The following NRXN3 variants were observed in gnomAD, a reference collection of about 807,000 sequenced individuals.
NRXN3 encodes neurexin III.
Under a neutral mutation model 137.6 loss-of-function variants are expected in NRXN3, and 32 were observed. The observed-to-expected ratio is 0.23, with a 90% CI of 0.18 to 0.31. NRXN3 has a LOEUF of 0.31. NRXN3 is among the 10% of genes least tolerant of loss of function. The pLI is 1.00. For synonymous variants in NRXN3, 798 were observed against 784.5 expected, an observed-to-expected ratio of 1.02 and a Z score of -0.29; for missense variants, 1,574 against 2,062.5, an observed-to-expected ratio of 0.76 and a Z score of 4.59.
chr14:79,818,053 T>TG (rs1467819527), intron 20 of NRXN3, among the ~76,000 whole-genome samples: 1 of 138,046 alleles, frequency 7.2e-6, no homozygotes, highest in African/African-American at 2.7e-5. Context: ...TGGGTTTTTT[T>TG]TTTTTTTTTT....
intron 15 of NRXN3, among the ~76,000 whole-genome samples, chr14:79,430,130 C>T (rs2095723263): frequency 6.6e-6 from 1 of 152,098 alleles, no homozygotes; most frequent in Non-Finnish European, 1.5e-5. Flanking sequence ...AAAGTAAGCC[C>T]TAATCTGGTT....
intron 19 of NRXN3, among the ~76,000 whole-genome samples, chr14:79,711,605 G>C (rs1052435877): frequency 1.3e-5 from 2 of 152,136 alleles, no homozygotes; most frequent in African/African-American, 4.8e-5. Flanking sequence ...AGCCACTGTG[G>C]TTGGCCTAAG....
chr14:78,999,067 G>A (rs1302695675), intron 15 of NRXN3, among the ~76,000 whole-genome samples: 1 of 152,130 alleles, frequency 6.6e-6, no homozygotes, highest in Non-Finnish European at 1.5e-5. Context: ...CCTTTGCCAA[G>A]TGAAATTAAC....
intron 17 of NRXN3, among the ~76,000 whole-genome samples, chr14:79,675,248 T>C (rs1477631114): frequency 6.6e-6 from 1 of 151,982 alleles, no homozygotes; most frequent in African/African-American, 2.4e-5. Flanking sequence ...AACCAACCTA[T>C]CTTATAAATA....
At chr14:78,343,960 A>G (rs1418573418) in intron 4 of NRXN3, among the ~76,000 whole-genome samples, 1 of 152,200 alleles carries the variant, frequency 6.6e-6, no homozygotes, top group African/African-American at 2.4e-5. Flanking sequence ...GCTGCACATT[A>G]GAATCATCTG....
rs146379741 is a variant in NRXN3 at position 78,861,951 on chromosome 14, A to G, written c.2275+51607A>G. Among the ~76,000 whole-genome samples, 482 of 152,246 alleles carry G rather than the reference A, an allele frequency of 3.2e-3. 3 individuals carry two copies. The highest frequency in any genetic ancestry group is 0.011 in the African/African-American group (443 of 41,558). ...TTATTTAGTTAGCAATGTTTTTATTAGGCACTCTTTTAGGCACTGACGATA... is the reference window on the plus strand; with the variant it reads ...TTATTTAGTTAGCAATGTTTTTATTGGGCACTCTTTTAGGCACTGACGATA... On this transcript the variant is annotated intron_variant, in intron 10 of 20. Transcript: ENST00000335750.
chr14:79,777,793 T>TAATATATTTATTTTATTGACAATA, intron 19 of NRXN3, among the ~76,000 whole-genome samples: 1 of 151,766 alleles, frequency 6.6e-6, no homozygotes, highest in Admixed American at 6.6e-5. Context: ...TAAATTATTT[T>TAATATATTTATTTTATTGACAATA]AATATATTTA....
chr14:79,301,490 ATC>A (rs1173280448), intron 15 of NRXN3, among the ~76,000 whole-genome samples: 1 of 151,992 alleles, frequency 6.6e-6, no homozygotes, highest in Non-Finnish European at 1.5e-5. Flanking sequence ...GAGACCTGTC[ATC>A]TCGGTAGTTA....
intron 6 of NRXN3, among the ~76,000 whole-genome samples, chr14:78,672,341 A>T (rs548803019): frequency 5.9e-5 from 9 of 152,330 alleles, no homozygotes; most frequent in Admixed American, 5.2e-4. Context: ...ATTGTTTGCT[A>T]TTTGAGGACC....
chr14:79,010,892 C>A (rs1397509610), intron 15 of NRXN3, among the ~76,000 whole-genome samples: 4 of 152,158 alleles, frequency 2.6e-5, no homozygotes, highest in Non-Finnish European at 5.9e-5. Context: ...ATCCCCTTGA[C>A]CTTTCTGCCA....
At chr14:78,290,678 C>G (rs1309149586) in intron 3 of NRXN3, among the ~76,000 whole-genome samples, 2 of 152,128 alleles carry the variant, frequency 1.3e-5, no homozygotes. Context: ...TTTTTCTAAC[C>G]CTTCCCCTTT....
intron 15 of NRXN3, among the ~76,000 whole-genome samples, chr14:79,290,920 CT>C (rs1275288370): frequency 6.6e-6 from 1 of 152,128 alleles, no homozygotes; most frequent in Non-Finnish European, 1.5e-5. Context: ...CCTCGTCAGA[CT>C]CTTTGGGTCC....
At chr14:79,074,172 C>A (rs1436452078) in intron 15 of NRXN3, among the ~76,000 whole-genome samples, 2 of 152,034 alleles carry the variant, frequency 1.3e-5, no homozygotes. Flanking sequence ...GGGTCCATTC[C>A]ACATTTCTAC....
Position 79,589,466 on chromosome 14 carries a change from G to GC in NRXN3, c.3445-74309dup, listed in dbSNP as rs148295600. Among the ~76,000 whole-genome samples, 825 of 145,542 alleles carry GC rather than the reference G, an allele frequency of 5.7e-3. 8 individuals are homozygous for GC. The highest frequency in any genetic ancestry group is 0.021 in the African/African-American group (803 of 38,902). On this transcript the variant is annotated intron_variant, in intron 16 of 20. Transcript: ENST00000335750. ...CCATTTTTTTTTCCAGTTGTTTGGG[G>GC]CCCACAATATTGTTTCTTTTAGAAA...
At chr14:79,431,428 G>T (rs2095752479) in intron 15 of NRXN3, among the ~76,000 whole-genome samples, 1 of 152,130 alleles carries the variant, frequency 6.6e-6, no homozygotes, top group Non-Finnish European at 1.5e-5. Context: ...GACCCAAAAT[G>T]AAGTCTTTTA....
chr14:78,500,277 G>T (rs1210354009), intron 4 of NRXN3, among the ~76,000 whole-genome samples: 1 of 152,148 alleles, frequency 6.6e-6, no homozygotes, highest in African/African-American at 2.4e-5. Context: ...CTTATAAATA[G>T]AAACCTGTCC....
intron 15 of NRXN3, among the ~76,000 whole-genome samples, chr14:79,041,797 A>G (rs1349926299): frequency 6.6e-6 from 1 of 152,218 alleles, no homozygotes; most frequent in African/African-American, 2.4e-5. Flanking sequence ...ATAAGTCATA[A>G]TTCTAATACA....
chr14:79,757,142 C>G (rs1005647402), intron 19 of NRXN3, among the ~76,000 whole-genome samples: 1 of 152,174 alleles, frequency 6.6e-6, no homozygotes, highest in African/African-American at 2.4e-5. Context: ...TTCACTACAC[C>G]TCTCCAAGCC....
intron 16 of NRXN3, among the ~76,000 whole-genome samples, chr14:79,494,538 T>C (rs2096748196): frequency 6.6e-6 from 1 of 152,176 alleles, no homozygotes; most frequent in African/African-American, 2.4e-5. Context: ...GCATCTTTTA[T>C]GCAAGGGACC....
Sources: allele counts gnomAD v4.1 joint callset (sites outside exome capture counted in the v4.1 genomes callset), GRCh38; gene constraint gnomAD v4.1.1; transcripts MANE v1.5; gene names NCBI Gene and HGNC (gene_info 2026-07-23, HGNC 2026-07-21).